RELN: variants seen among roughly 807,000 people sequenced by gnomAD.
RELN encodes the protein reelin.
A neutral mutation model predicts 427.6 loss-of-function variants in RELN; 108 were observed. The observed-to-expected ratio is 0.25, with a 90% CI of 0.22 to 0.30. The LOEUF is 0.30. RELN is among the 10% of genes least tolerant of loss of function. The probability of loss-of-function intolerance (pLI) is 1.00; values close to 1 mark genes in which losing one functional copy is unlikely to be tolerated. For missense variants in RELN, 3,715 were observed against 4,302.8 expected (o/e 0.86, Z 3.82); for synonymous variants, 1,524 against 1,513.4 (o/e 1.01, Z -0.16).
At chr7:103,641,290 A>G (rs1373630823) in intron 16 of RELN, among the ~76,000 whole-genome samples, 1 of 152,250 alleles carries the variant, frequency 6.6e-6, no homozygotes, top group Non-Finnish European at 1.5e-5. Context: ...TTTTTTAGGC[A>G]TAAGCAAATT....
chr7:103,712,910 C>T (rs2115856400), intron 8 of RELN, among the ~76,000 whole-genome samples: 1 of 152,152 alleles, frequency 6.6e-6, no homozygotes, highest in Non-Finnish European at 1.5e-5. Context: ...ATATCATTCC[C>T]CATCAATCCC....
chr7:103,651,699 G>T lies in RELN; in HGVS notation c.1854C>A (p.Leu618=). Residue 618 remains leucine (L), a synonymous_variant, in exon 15 of 65, where the codon CTC becomes CTA. Transcript: ENST00000428762. ...CLPEICAGPH[L]PHSTVYSSEN... ...CAGAGGAGTAGACAGTGCTGTGGGG[G>T]AGGTGGGGTCCAGCACAGATCTCAG... 1 of 1,611,970 alleles carries T rather than the reference G, an allele frequency of 6.2e-7. No homozygotes were observed. The highest frequency in any genetic ancestry group is 1.7e-5 in the Admixed American group (1 of 59,800).
At chr7:103,771,122 G>T (rs1791559248) in intron 4 of RELN, among the ~76,000 whole-genome samples, 1 of 151,660 alleles carries the variant, frequency 6.6e-6, no homozygotes, top group East Asian at 2.0e-4. Flanking sequence ...TCACTATGTT[G>T]GCCAGGCTGG....
chr7:103,539,104 G>A lies in RELN; in HGVS notation c.7154C>T (p.Ser2385Phe). ...ATAACAAGAGTCTGTGACTGAGCAG[G>A]AGGCAGCGAAGTCTATCTGTAGGAA... ...DSFLQIDFAA[S>F]CSVTDSCYAI... Residue 2385 changes from serine to phenylalanine, a missense_variant, in exon 45 of 65, where the codon TCC becomes TTC. Transcript: ENST00000428762. 6.2e-7 allele frequency: 1 copy of A among 1,614,176 alleles called. No individual in the cohort carries two copies. Among genetic ancestry groups the A allele is most frequent in the Non-Finnish European group, 8.5e-7 (1 of 1,180,024 alleles).
chr7:103,615,783 G>GT (rs1422921854), intron 20 of RELN, among the ~76,000 whole-genome samples: 1 of 152,174 alleles, frequency 6.6e-6, no homozygotes, highest in African/African-American at 2.4e-5. Context: ...TGTGAGTAAG[G>GT]TCCCTCAACT....
Position 103,945,987 on chromosome 7 carries a change from T to C in RELN, c.227-28802A>G, listed in dbSNP as rs138869252. ...CTCTGATGTTCACAAAATGACAAAA[T>C]TGCTAATGACACATTTCTCAGAATA... On this transcript the variant is annotated intron_variant, in intron 1 of 64. Coordinates refer to ENST00000428762, the MANE Select transcript of RELN (RefSeq NM_005045.4). Among the ~76,000 whole-genome samples the C allele has an allele frequency of 6.8e-4, 103 of 152,242 alleles. 1 individual carries two copies. In the East Asian group the frequency reaches 0.018, roughly 27 times the overall value.
chr7:103,520,289 A>T (rs1829669373), intron 48 of RELN, among the ~76,000 whole-genome samples: 1 of 152,078 alleles, frequency 6.6e-6, no homozygotes. Context: ...TTTTATTATG[A>T]TTATTATTAT....
intron 6 of RELN, among the ~76,000 whole-genome samples, chr7:103,732,291 G>C (rs900170354): frequency 6.6e-6 from 1 of 152,116 alleles, no homozygotes; most frequent in Non-Finnish European, 1.5e-5. Context: ...CCATGGGCTA[G>C]TTTCTGGAAA....
intron 2 of RELN, among the ~76,000 whole-genome samples, chr7:103,872,463 T>C (rs1199149440): frequency 1.5e-5 from 2 of 134,596 alleles, no homozygotes; most frequent in Non-Finnish European, 3.2e-5. Context: ...CAGTCTATCA[T>C]TGTTGGACAT....
At chr7:103,515,462 A>C in intron 49 of RELN, 21 bp from the exon 50 acceptor site, 1 of 1,613,044 alleles carries the variant, frequency 6.2e-7, no homozygotes, top group Non-Finnish European at 8.5e-7. Context: ...ATGATGGGGA[A>C]GGGTGTGGGG....
intron 4 of RELN, among the ~76,000 whole-genome samples, chr7:103,755,623 A>AT (rs1369702149): frequency 0.013 from 1,791 of 137,690 alleles, 61 homozygotes; most frequent in African/African-American, 0.049. Context: ...AAAAATAAAA[A>AT]AAATAAAATA....
chr7:103,520,841 T>C (rs1007572467), intron 48 of RELN, among the ~76,000 whole-genome samples: 1 of 152,080 alleles, frequency 6.6e-6, no homozygotes, highest in African/African-American at 2.4e-5. Flanking sequence ...ACATGCTATA[T>C]GCCTTCTTGC....
chr7:103,870,668 T>C (rs1254071121), intron 2 of RELN, among the ~76,000 whole-genome samples: 1 of 152,098 alleles, frequency 6.6e-6, no homozygotes, highest in African/African-American at 2.4e-5. Context: ...AACCTAATCT[T>C]TTCACTTTGG....
At chr7:103,886,862 C>T (rs1156704344) in intron 2 of RELN, among the ~76,000 whole-genome samples, 1 of 152,118 alleles carries the variant, frequency 6.6e-6, no homozygotes, top group East Asian at 1.9e-4. Flanking sequence ...CTTGAACTCA[C>T]TTGCTAGCAA....
At chr7:103,597,281 G>A (rs1252855793) in intron 24 of RELN, among the ~76,000 whole-genome samples, 1 of 152,128 alleles carries the variant, frequency 6.6e-6, no homozygotes, top group African/African-American at 2.4e-5. Flanking sequence ...AGTAGACCAG[G>A]CAACGTAGAA....
At chr7:103,768,343 C>T (rs1584477043) in intron 4 of RELN, among the ~76,000 whole-genome samples, 1 of 152,010 alleles carries the variant, frequency 6.6e-6, no homozygotes, top group African/African-American at 2.4e-5. Context: ...TTTACAATTA[C>T]TTGGAACCTC....
intron 2 of RELN, among the ~76,000 whole-genome samples, chr7:103,861,394 G>C (rs1437092168): frequency 6.6e-6 from 1 of 152,122 alleles, no homozygotes; most frequent in East Asian, 1.9e-4. Flanking sequence ...ACTTCAAAAA[G>C]CCTAAAGGTT....
chr7:103,580,986 G>C (rs988890806), intron 28 of RELN, among the ~76,000 whole-genome samples: 1 of 152,182 alleles, frequency 6.6e-6, no homozygotes, highest in Non-Finnish European at 1.5e-5. Context: ...ATGCAGTGGT[G>C]GAGGTGAAGA....
At chr7:103,789,008 C>A (rs927186495) in intron 3 of RELN, among the ~76,000 whole-genome samples, 1 of 152,092 alleles carries the variant, frequency 6.6e-6, no homozygotes, top group Non-Finnish European at 1.5e-5. Flanking sequence ...ACGAATGGAA[C>A]AGAACAGAGG....
Sources: gnomAD v4.1 joint callset for allele counts (sites outside exome capture counted in the v4.1 genomes callset) on GRCh38, gnomAD v4.1.1 for gene constraint, MANE v1.5 for transcripts, NCBI Gene and HGNC (gene_info 2026-07-23, HGNC 2026-07-21) for gene names.